The following PHC2 variants were observed in gnomAD, a reference collection of about 807,000 sequenced individuals.
PHC2 encodes the protein polyhomeotic homolog 2, also known as polyhomeotic-like protein 2.
Under a neutral mutation model 87.4 loss-of-function variants are expected in PHC2, and 29 were observed. The observed-to-expected ratio is 0.33, with a 90% CI of 0.25 to 0.45. The LOEUF (loss-of-function observed/expected upper bound fraction) is 0.45, where lower values mean the gene tolerates loss of function less well. PHC2 is among the 20% of genes least tolerant of loss of function. The pLI, the probability that PHC2 is intolerant of heterozygous loss-of-function variation, is 1.00. For synonymous variants in PHC2, 438 were observed against 461.7 expected (o/e 0.95, Z 0.66); for missense variants, 857 against 1,136.7 (o/e 0.75, Z 3.54).
At chr1:33,387,142 C>T (rs567820105) in intron 1 of PHC2, among the ~76,000 whole-genome samples, 7 of 152,320 alleles carry the variant, frequency 4.6e-5, no homozygotes, top group African/African-American at 1.4e-4. Flanking sequence ...CCCCTGAAAT[C>T]GGGCTGTATC....
At chr1:33,329,929 C>T (rs1480381730) in intron 13 of PHC2, 142 bp downstream of exon 13, 3 of 889,950 alleles carry the variant, frequency 3.4e-6, no homozygotes, top group African/African-American at 1.7e-5. Flanking sequence ...GCAGAAGGCT[C>T]GACTGGACAG....
In PHC2 at chr1:33,368,591, G is replaced by C; in HGVS notation, c.608C>G (p.Thr203Ser). The change falls in exon 6 of 15, where the codon ACT becomes AGT. Residue 203 changes from threonine (T) to serine (S), a missense_variant. Thr to Ser is a moderately conservative substitution (Grantham distance 58, BLOSUM62 1). Coordinates refer to ENST00000683057, the MANE Select transcript of PHC2 (RefSeq NM_001385109.1). The surrounding 1 kb of genome is among the most constrained non-coding windows in gnomAD (Gnocchi z 6.6). Reference sequence around the variant, plus strand: ...GCCAGTGCCGAGCTCAGGCTGCACAGTAGCGACGGTGGCCGTGGGCGTGAA... The same window carrying C: ...GCCAGTGCCGAGCTCAGGCTGCACACTAGCGACGGTGGCCGTGGGCGTGAA... ...LIFTPTATVA[T>S]VQPELGTGSP... is the part of the protein sequence containing the mutation. 1 of 1,551,108 alleles carries C rather than the reference G, an allele frequency of 6.4e-7. No homozygotes were observed. Among genetic ancestry groups the C allele is most frequent in the Non-Finnish European group, 8.7e-7 (1 of 1,146,730 alleles).
chr1:33,335,373 G>T, intron 9 of PHC2: 2 of 984,676 alleles, frequency 2.0e-6, no homozygotes, highest in Non-Finnish European at 2.4e-6. Context: ...AAAAAGAAAA[G>T]AAAAAGCCAT....
chr1:33,325,133 C>T (rs1646341764), intron 14 of PHC2, 114 bp from the exon 15 acceptor site: 2 of 1,066,668 alleles, frequency 1.9e-6, no homozygotes, highest in Non-Finnish European at 2.6e-6. Flanking sequence ...TTCTTTTAGT[C>T]CTCATAACCA....
At chr1:33,371,872 A>C (rs1280471935) in intron 3 of PHC2, among the ~76,000 whole-genome samples, 1 of 152,214 alleles carries the variant, frequency 6.6e-6, no homozygotes, top group Non-Finnish European at 1.5e-5. Flanking sequence ...TTGCATGCAG[A>C]AGGTACATAA....
intron 7 of PHC2, among the ~76,000 whole-genome samples, chr1:33,357,265 G>A (rs957989264): frequency 6.6e-6 from 1 of 152,202 alleles, no homozygotes; most frequent in Non-Finnish European, 1.5e-5. Context: ...GTTTTAAATG[G>A]ATCCTGTGAT....
chr1:33,366,885 T>C (rs561331605), intron 7 of PHC2, among the ~76,000 whole-genome samples: 1 of 152,360 alleles, frequency 6.6e-6, no homozygotes, highest in African/African-American at 2.4e-5. Flanking sequence ...GTGCCTACAG[T>C]GCAGAAGGAC....
At chr1:33,372,664 T>G (rs1647930789) in intron 2 of PHC2, among the ~76,000 whole-genome samples, 1 of 152,172 alleles carries the variant, frequency 6.6e-6, no homozygotes, top group South Asian at 2.1e-4. Flanking sequence ...CTATCTTGCC[T>G]CTCTCTGCAG....
intron 9 of PHC2, among the ~76,000 whole-genome samples, chr1:33,351,880 A>T (rs1646978991): frequency 7.1e-6 from 1 of 141,108 alleles, no homozygotes; most frequent in African/African-American, 2.6e-5. Flanking sequence ...TGAACCCGGG[A>T]GGTGTAGATT....
intron 1 of PHC2, among the ~76,000 whole-genome samples, chr1:33,421,322 G>T (rs1650427639): frequency 6.6e-6 from 1 of 152,130 alleles, no homozygotes; most frequent in Non-Finnish European, 1.5e-5. Context: ...CAGGAAGTAG[G>T]GCAAAGTGTG....
intron 14 of PHC2, 132 bp downstream of exon 14, chr1:33,328,734 TCTCA>T (rs1442907492): frequency 1.4e-6 from 1 of 732,406 alleles, no homozygotes; most frequent in Non-Finnish European, 2.2e-6. Flanking sequence ...AGGGAGCTCA[TCTCA>T]CTCATTTCTG....
chr1:33,338,798 G>A (rs1264114090), intron 9 of PHC2, among the ~76,000 whole-genome samples: 2 of 152,194 alleles, frequency 1.3e-5, no homozygotes, highest in Non-Finnish European at 2.9e-5. Context: ...ATACAGTCAG[G>A]CACCTGAAAC....
At chr1:33,359,399 T>C (rs1018091372) in intron 7 of PHC2, among the ~76,000 whole-genome samples, 1 of 152,220 alleles carries the variant, frequency 6.6e-6, no homozygotes, top group African/African-American at 2.4e-5. Flanking sequence ...AGAAGTCCAC[T>C]ATAGTTGACT....
intron 1 of PHC2, among the ~76,000 whole-genome samples, chr1:33,389,831 A>G (rs909719974): frequency 2.6e-5 from 4 of 152,078 alleles, no homozygotes; most frequent in African/African-American, 7.2e-5. Flanking sequence ...CTTGGCTTTT[A>G]GCTTCTTGTA....
At chr1:33,359,752 T>G (rs1647160785) in intron 7 of PHC2, among the ~76,000 whole-genome samples, 2 of 152,160 alleles carry the variant, frequency 1.3e-5, no homozygotes, top group African/African-American at 4.8e-5. Flanking sequence ...CCAGAGCAAG[T>G]AAGTGTTTAA....
chr1:33,354,569 G>A lies in PHC2; in HGVS notation c.1393-3C>T, dbSNP rs1647032621. 1 of 1,612,058 alleles carries A rather than the reference G, an allele frequency of 6.2e-7. No individual in the cohort carries two copies. The highest frequency in any genetic ancestry group is 8.5e-7 in the Non-Finnish European group (1 of 1,178,998). ...TCATCAGGGACACACTGCTGGGGCT[G>A]TCAAAGGACAGGACAGAGAGGGGGG... On this transcript the variant is annotated splice_region_variant and splice_polypyrimidine_tract_variant and intron_variant, in intron 8 of 14. Coordinates refer to ENST00000683057, the MANE Select transcript of PHC2 (RefSeq NM_001385109.1).
chr1:33,338,259 G>A (rs1342496438), intron 9 of PHC2, among the ~76,000 whole-genome samples: 2 of 152,226 alleles, frequency 1.3e-5, no homozygotes, highest in African/African-American at 4.8e-5. Context: ...TTAACTCTGG[G>A]AAGCAAAACT....
At chr1:33,370,190 G>A (rs1647734608) in intron 5 of PHC2, among the ~76,000 whole-genome samples, 1 of 152,168 alleles carries the variant, frequency 6.6e-6, no homozygotes, top group Non-Finnish European at 1.5e-5. Context: ...AGGAAAGGTG[G>A]CATCGCAGGA....
At chr1:33,397,466 C>G (rs894113417) in intron 1 of PHC2, among the ~76,000 whole-genome samples, 5 of 152,194 alleles carry the variant, frequency 3.3e-5, no homozygotes, top group Non-Finnish European at 7.3e-5. Context: ...TTGAGCCATC[C>G]TCTTAATTAT....
Sources: gnomAD v4.1 joint callset for allele counts (sites outside exome capture counted in the v4.1 genomes callset) on GRCh38, gnomAD v4.1.1 for gene constraint, Gnocchi (gnomAD v3.1) non-coding constraint, MANE v1.5 for transcripts, NCBI Gene and HGNC (gene_info 2026-07-23, HGNC 2026-07-21) for gene names.